The following GRID2 variants were observed in gnomAD, a reference collection of about 807,000 sequenced individuals.
GRID2 encodes the protein glutamate ionotropic receptor delta type subunit 2, also known as glutamate receptor ionotropic, delta-2.
Under a neutral mutation model 114.8 loss-of-function variants are expected in GRID2, and 33 were observed. The ratio of observed to expected loss-of-function variants is 0.29; its 90% CI spans 0.22 to 0.38. The LOEUF is 0.38. GRID2 is among the 10% of genes least tolerant of loss of function. The pLI is 1.00. For synonymous variants in GRID2, 505 were observed against 449.9 expected (o/e 1.12, Z -1.55); for missense variants, 1,184 against 1,257.7 (o/e 0.94, Z 0.89).
chr4:92,432,104 T>C (rs1579348513), intron 1 of GRID2, among the ~76,000 whole-genome samples: 2 of 152,194 alleles, frequency 1.3e-5, no homozygotes, highest in Non-Finnish European at 1.5e-5. Context: ...GCAGAGTCTC[T>C]CTTTTCATGC....
At chr4:93,586,211 C>T (rs1035933932) in intron 13 of GRID2, among the ~76,000 whole-genome samples, 1 of 152,086 alleles carries the variant, frequency 6.6e-6, no homozygotes, top group African/African-American at 2.4e-5. Context: ...AGATGTACCA[C>T]CACCCGTATC....
At chr4:93,048,906 G>T (rs892306361) in intron 2 of GRID2, among the ~76,000 whole-genome samples, 1 of 152,004 alleles carries the variant, frequency 6.6e-6, no homozygotes. Flanking sequence ...ACCTAGTATG[G>T]CAAGGAAAAC....
chr4:92,902,538 T>G (rs1747653703), intron 2 of GRID2, among the ~76,000 whole-genome samples: 1 of 152,134 alleles, frequency 6.6e-6, no homozygotes, highest in Non-Finnish European at 1.5e-5. Context: ...TACATTTGCT[T>G]TCCAGGTCTC....
At position 93,774,447 on chromosome 4, in the gene GRID2, C is replaced by T. The variant is rs1006824194; in HGVS notation, c.*1949C>T. 6.6e-6 allele frequency: 1 copy of T among 152,036 alleles called. No individual in the cohort carries two copies. The highest frequency in any genetic ancestry group is 2.4e-5 in the African/African-American group (1 of 41,426). 9.4% of individuals were successfully genotyped at this position (152,036 alleles called of 1,614,324 possible). ...TTAAAATAGGCTTATTTTGATGTAT[C>T]GCCTATTATACAAACACACAAAACA... On this transcript the variant is annotated 3_prime_UTR_variant, in exon 16 of 16. Coordinates refer to ENST00000282020, the MANE Select transcript of GRID2 (RefSeq NM_001510.4).
At chr4:93,635,106 C>T (rs956383658) in intron 14 of GRID2, among the ~76,000 whole-genome samples, 4 of 152,012 alleles carry the variant, frequency 2.6e-5, no homozygotes, top group African/African-American at 9.7e-5. Flanking sequence ...TTGTTGCTCA[C>T]ATCACAGTAA....
intron 4 of GRID2, among the ~76,000 whole-genome samples, chr4:93,205,283 C>T (rs1383080352): frequency 6.6e-6 from 1 of 151,664 alleles, no homozygotes; most frequent in Non-Finnish European, 1.5e-5. Flanking sequence ...TTAAGTTTCA[C>T]CTATAAGTGG....
intron 9 of GRID2, among the ~76,000 whole-genome samples, chr4:93,407,723 T>TCTCCTCCTCCTCCTCCTCCTCCTC: frequency 3.1e-5 from 2 of 64,226 alleles, no homozygotes; most frequent in East Asian, 4.2e-4. Context: ...TCCTCCTCCT[T>TCTCCTCCTCCTCCTCCTCCTCCTC]CTCCTCCTCC....
chr4:92,675,573 CAG>C (rs1294627878), intron 2 of GRID2, among the ~76,000 whole-genome samples: 2 of 130,042 alleles, frequency 1.5e-5, no homozygotes, highest in Non-Finnish European at 3.4e-5. Flanking sequence ...TTTTTTGAGA[CAG>C]AGTCCTGCTC....
chr4:92,591,296 C>T (rs1728698079), intron 2 of GRID2, among the ~76,000 whole-genome samples: 1 of 152,032 alleles, frequency 6.6e-6, no homozygotes, highest in Non-Finnish European at 1.5e-5. Context: ...TCTGCTGGGC[C>T]CTTGATCTTG....
intron 1 of GRID2, among the ~76,000 whole-genome samples, chr4:92,426,140 C>T (rs1379958716): frequency 1.3e-5 from 2 of 152,050 alleles, no homozygotes; most frequent in Non-Finnish European, 2.9e-5. Flanking sequence ...ACATCTCTGG[C>T]ATGTAGTTTT....
chr4:92,671,347 A>G (rs919947870), intron 2 of GRID2, among the ~76,000 whole-genome samples: 4 of 152,082 alleles, frequency 2.6e-5, no homozygotes, highest in African/African-American at 9.7e-5. Flanking sequence ...TCACAATTCA[A>G]CATGAGATTT....
chr4:93,099,345 T>G (rs888146810), intron 3 of GRID2, among the ~76,000 whole-genome samples: 1 of 151,964 alleles, frequency 6.6e-6, no homozygotes, highest in Non-Finnish European at 1.5e-5. Flanking sequence ...TGTTTCATTT[T>G]GTTTTGGTCA....
intron 4 of GRID2, among the ~76,000 whole-genome samples, chr4:93,153,950 G>C (rs1270279046): frequency 2.0e-5 from 3 of 152,024 alleles, no homozygotes; most frequent in East Asian, 3.9e-4. Context: ...TAGATCTTTA[G>C]AACTAGTATG....
At chr4:93,259,706 A>G (rs6852170) in intron 8 of GRID2, among the ~76,000 whole-genome samples, 108,013 of 151,598 alleles carry the variant, frequency 0.71, 39,348 homozygotes, top group Middle Eastern at 0.86. Context: ...GTTACATGTA[A>G]AGTTCAAAAA....
intron 13 of GRID2, among the ~76,000 whole-genome samples, chr4:93,546,656 A>T (rs1486034223): frequency 6.6e-6 from 1 of 152,206 alleles, no homozygotes; most frequent in African/African-American, 2.4e-5. Context: ...ACTCTTTTTC[A>T]GTCAATTTAA....
At chr4:93,299,886 A>G (rs1754688744) in intron 8 of GRID2, among the ~76,000 whole-genome samples, 1 of 152,176 alleles carries the variant, frequency 6.6e-6, no homozygotes, top group Non-Finnish European at 1.5e-5. Context: ...ATGCATACAC[A>G]TAATATTAGA....
rs187641770 is a variant in GRID2 at position 93,580,328 on chromosome 4, G to A, written c.2194-45941G>A. ...ATGAACTATTATCTTATTCTTCCCCGTTTCCTACCATAAAAGTAGGCAAGT... is the reference window on the plus strand; with the variant it reads ...ATGAACTATTATCTTATTCTTCCCCATTTCCTACCATAAAAGTAGGCAAGT... On this transcript the variant is annotated intron_variant, in intron 13 of 15. Transcript: ENST00000282020. Among the ~76,000 whole-genome samples the A allele has an allele frequency of 4.4e-3, 674 of 152,214 alleles. 7 individuals are homozygous for A. Among genetic ancestry groups the A allele is most frequent in the African/African-American group, 0.015 (607 of 41,536 alleles).
At chr4:92,515,917 T>A (rs144779660) in intron 1 of GRID2, among the ~76,000 whole-genome samples, 1 of 152,098 alleles carries the variant, frequency 6.6e-6, no homozygotes, top group Non-Finnish European at 1.5e-5. Flanking sequence ...ACATAGAAAG[T>A]AGATTTTTTT....
At chr4:93,383,659 T>G (rs1764067033) in intron 8 of GRID2, among the ~76,000 whole-genome samples, 1 of 152,188 alleles carries the variant, frequency 6.6e-6, no homozygotes, top group Admixed American at 6.5e-5. Flanking sequence ...GCTGTAATTC[T>G]AATTTTTGTT....
Sources: gnomAD v4.1 joint callset for allele counts (sites outside exome capture counted in the v4.1 genomes callset) on GRCh38, gnomAD v4.1.1 for gene constraint, MANE v1.5 for transcripts, NCBI Gene and HGNC (gene_info 2026-07-23, HGNC 2026-07-21) for gene names.